The following HS6ST3 variants were observed in gnomAD, a reference collection of about 807,000 sequenced individuals.
HS6ST3 encodes the protein heparan sulfate 6-O-sulfotransferase 3, also known as heparan-sulfate 6-O-sulfotransferase 3.
HS6ST3 carries 12 observed loss-of-function variants against 36.7 expected under a neutral mutation model. That is an observed-to-expected ratio of 0.33 (90% confidence interval 0.21 to 0.53). The LOEUF is 0.53. HS6ST3 is among the 20% of genes least tolerant of loss of function. The probability of loss-of-function intolerance (pLI) is 0.95; values close to 1 mark genes in which losing one functional copy is unlikely to be tolerated. For synonymous variants in HS6ST3, 240 were observed against 257.5 expected, an observed-to-expected ratio of 0.93 and a Z score of 0.65; for missense variants, 584 against 640.9, an observed-to-expected ratio of 0.91 and a Z score of 0.96.
At chr13:96,608,849 G>C (rs1403855983) in intron 1 of HS6ST3, among the ~76,000 whole-genome samples, 1 of 152,118 alleles carries the variant, frequency 6.6e-6, no homozygotes, top group Non-Finnish European at 1.5e-5. Flanking sequence ...GGAATGTGCG[G>C]TAAAGTTCTA....
At chr13:96,572,010 T>C (rs1246377717) in intron 1 of HS6ST3, among the ~76,000 whole-genome samples, 1 of 152,236 alleles carries the variant, frequency 6.6e-6, no homozygotes, top group Non-Finnish European at 1.5e-5. Flanking sequence ...AAAATGACAT[T>C]AGAGCTCATC....
intron 1 of HS6ST3, among the ~76,000 whole-genome samples, chr13:96,599,855 A>T (rs969627781): frequency 1.3e-5 from 2 of 151,940 alleles, no homozygotes; most frequent in African/African-American, 4.8e-5. Flanking sequence ...TTTTGAAAAA[A>T]TTTTCTAATT....
chr13:96,421,331 T>C (rs2055561173), intron 1 of HS6ST3, among the ~76,000 whole-genome samples: 1 of 152,218 alleles, frequency 6.6e-6, no homozygotes, highest in Non-Finnish European at 1.5e-5. Flanking sequence ...TCTCTTCCTG[T>C]GGAGAAATTT....
intron 1 of HS6ST3, among the ~76,000 whole-genome samples, chr13:96,168,517 G>A (rs1248729340): frequency 6.6e-6 from 1 of 151,760 alleles, no homozygotes; most frequent in Non-Finnish European, 1.5e-5. Context: ...AGCATCCTGG[G>A]CAACATAGGG....
At chr13:96,491,949 G>A (rs1188982974) in intron 1 of HS6ST3, among the ~76,000 whole-genome samples, 1 of 152,104 alleles carries the variant, frequency 6.6e-6, no homozygotes, top group Non-Finnish European at 1.5e-5. Flanking sequence ...TGTTACTAGA[G>A]CTTCAATTCC....
intron 1 of HS6ST3, 29 bp from the exon 2 acceptor site, chr13:96,832,461 A>G: frequency 6.7e-7 from 1 of 1,489,232 alleles, no homozygotes; most frequent in Non-Finnish European, 9.0e-7. Context: ...GTTGTCAACT[A>G]CTGATGCTCT....
At position 96,585,625 on chromosome 13, in the gene HS6ST3, G is replaced by A. The variant is rs191642542; in HGVS notation, c.708-246865G>A. ...CTCTCCTCCTTCCCTAACCTCCCCA[G>A]CCCCTGGTAAACACCATTCCCTGCT... is the stretch of plus-strand genomic sequence containing the variant. On this transcript the variant is annotated intron_variant, in intron 1 of 1. Coordinates refer to ENST00000376705, the MANE Select transcript of HS6ST3 (RefSeq NM_153456.4). Among the ~76,000 whole-genome samples the A allele has an allele frequency of 3.3e-5, 5 of 152,086 alleles. No individual in the cohort carries two copies. The East Asian group carries it at 7.8e-4, about 24-fold the overall frequency.
chr13:96,573,924 C>T (rs1415585439), intron 1 of HS6ST3: 3 of 518,850 alleles, frequency 5.8e-6, no homozygotes, highest in South Asian at 1.4e-5. Context: ...ACAAAGAATC[C>T]GGAGGTGACT....
chr13:96,596,388 A>G (rs750798945), intron 1 of HS6ST3, among the ~76,000 whole-genome samples: 1 of 152,172 alleles, frequency 6.6e-6, no homozygotes, highest in African/African-American at 2.4e-5. Context: ...TTGATATAAT[A>G]TCTTTGAAAT....
intron 1 of HS6ST3, among the ~76,000 whole-genome samples, chr13:96,533,012 C>A (rs529545743): frequency 2.0e-5 from 3 of 152,276 alleles, no homozygotes; most frequent in Admixed American, 6.5e-5. Flanking sequence ...TTGCACGCAG[C>A]ATTTCTAGGC....
At chr13:96,734,164 T>C (rs995906941) in intron 1 of HS6ST3, among the ~76,000 whole-genome samples, 4 of 152,214 alleles carry the variant, frequency 2.6e-5, no homozygotes, top group Admixed American at 6.5e-5. Context: ...ACGAACCAGA[T>C]CTGTCATTTC....
At chr13:96,140,181 AAC>A (rs1294386785) in intron 1 of HS6ST3, among the ~76,000 whole-genome samples, 1 of 152,226 alleles carries the variant, frequency 6.6e-6, no homozygotes, top group Non-Finnish European at 1.5e-5. Flanking sequence ...TATGCAAACA[AAC>A]ACATACCATA....
chr13:96,539,444 C>G (rs2056169391), intron 1 of HS6ST3, among the ~76,000 whole-genome samples: 2 of 152,190 alleles, frequency 1.3e-5, no homozygotes, highest in South Asian at 2.1e-4. Context: ...CAACCTCTGC[C>G]TCTCGGGTTC....
At chr13:96,721,421 TTCTC>T (rs1005335227) in intron 1 of HS6ST3, among the ~76,000 whole-genome samples, 14 of 152,116 alleles carry the variant, frequency 9.2e-5, no homozygotes, top group Non-Finnish European at 1.6e-4. Flanking sequence ...ATAATAATAT[TTCTC>T]TAATAATAAT....
At chr13:96,428,087 A>T (rs1438128116) in intron 1 of HS6ST3, among the ~76,000 whole-genome samples, 11 of 152,182 alleles carry the variant, frequency 7.2e-5, no homozygotes, top group Admixed American at 7.2e-4. Context: ...TTAGTTTGAT[A>T]AGGCTGCCAT....
chr13:96,095,339 T>TG (rs1244125463), intron 1 of HS6ST3, among the ~76,000 whole-genome samples: 1 of 152,230 alleles, frequency 6.6e-6, no homozygotes, highest in African/African-American at 2.4e-5. Flanking sequence ...TCTTAAATAA[T>TG]GATGGAAAGA....
chr13:96,284,544 C>A (rs188535474), intron 1 of HS6ST3, among the ~76,000 whole-genome samples: 1 of 152,096 alleles, frequency 6.6e-6, no homozygotes, highest in Non-Finnish European at 1.5e-5. Flanking sequence ...TGCTGGAAGC[C>A]GATTAGGTTG....
At chr13:96,817,186 G>A (rs937596973) in intron 1 of HS6ST3, among the ~76,000 whole-genome samples, 1 of 152,168 alleles carries the variant, frequency 6.6e-6, no homozygotes, top group Non-Finnish European at 1.5e-5. Flanking sequence ...GGGGGTGCAC[G>A]ATGTAGGAGA....
intron 1 of HS6ST3, among the ~76,000 whole-genome samples, chr13:96,548,405 T>G (rs1302059290): frequency 6.6e-6 from 1 of 152,218 alleles, no homozygotes; most frequent in East Asian, 1.9e-4. Flanking sequence ...AGAGCTCTGC[T>G]TACGTAAACT....
Sources: gnomAD v4.1 joint callset for allele counts (sites outside exome capture counted in the v4.1 genomes callset) on GRCh38, gnomAD v4.1.1 for gene constraint, MANE v1.5 for transcripts, NCBI Gene and HGNC (gene_info 2026-07-23, HGNC 2026-07-21) for gene names.